The following RABGEF1 variants were observed in gnomAD, a reference collection of about 807,000 sequenced individuals.
RABGEF1 encodes rab5 GDP/GTP exchange factor.
In RABGEF1, 26 loss-of-function variants were observed where a neutral mutation model predicts 57.3. The ratio of observed to expected loss-of-function variants is 0.45; its 90% CI spans 0.33 to 0.63. RABGEF1 has a LOEUF of 0.63. Among genes scored for constraint, RABGEF1 ranks in the 20% least tolerant of loss-of-function variants. The pLI is 0.02. For missense variants in RABGEF1, 464 were observed against 607.6 expected (o/e 0.76, Z 2.48); for synonymous variants, 185 against 210.7 (o/e 0.88, Z 1.06).
intron 7 of RABGEF1, among the ~76,000 whole-genome samples, chr7:66,803,391 G>C (rs1238426615): frequency 6.6e-6 from 1 of 152,216 alleles, no homozygotes; most frequent in Non-Finnish European, 1.5e-5. Flanking sequence ...CTAGTGGCAA[G>C]AATTTGGTGT....
chr7:66,751,581 G>A (rs1304272891), intron 1 of RABGEF1, among the ~76,000 whole-genome samples: 1 of 152,120 alleles, frequency 6.6e-6, no homozygotes, highest in Non-Finnish European at 1.5e-5. Context: ...CTGAGCTGAG[G>A]GTTGAGGTTG....
At chr7:66,661,323 G>A in the RABGEF1 span, among the ~76,000 whole-genome samples, 3 of 126,632 alleles carry the variant, frequency 2.4e-5, no homozygotes, top group African/African-American at 5.8e-5. Context: ...AAAAATGAGG[G>A]CGTTACTGTG....
At chr7:66,692,403 C>A (rs1791654930) in intron 1 of RABGEF1, among the ~76,000 whole-genome samples, 1 of 152,180 alleles carries the variant, frequency 6.6e-6, no homozygotes, top group African/African-American at 2.4e-5. Context: ...GTAAGAAGAA[C>A]CTCAGCGAGT....
At chr7:66,766,153 G>A (rs969718005) in intron 1 of RABGEF1, among the ~76,000 whole-genome samples, 2 of 151,890 alleles carry the variant, frequency 1.3e-5, no homozygotes, top group African/African-American at 4.8e-5. Flanking sequence ...CCTGGGTAAC[G>A]TGGCGAAACA....
At chr7:66,676,700 A>G in the RABGEF1 span, among the ~76,000 whole-genome samples, 2 of 152,106 alleles carry the variant, frequency 1.3e-5, no homozygotes, top group Non-Finnish European at 2.9e-5. Flanking sequence ...CGATTCTGCC[A>G]CCTCAGCCTC....
At chr7:66,751,601 T>G (rs1294672269) in intron 1 of RABGEF1, among the ~76,000 whole-genome samples, 1 of 152,170 alleles carries the variant, frequency 6.6e-6, no homozygotes, top group Non-Finnish European at 1.5e-5. Flanking sequence ...GTGTTGCAGG[T>G]TGGATAAGGC....
chr7:66,769,484 C>T (rs1439377058), intron 1 of RABGEF1, among the ~76,000 whole-genome samples: 1 of 152,190 alleles, frequency 6.6e-6, no homozygotes, highest in Non-Finnish European at 1.5e-5. Flanking sequence ...CCACTCTGAT[C>T]AGCAGAGCAT....
Position 66,727,995 on chromosome 7 carries a change from A to G in RABGEF1, c.-814-12001A>G, listed in dbSNP as rs529506926. Among the ~76,000 whole-genome samples the G allele has an allele frequency of 6.0e-4, 91 of 152,186 alleles. 1 individual carries two copies. Among genetic ancestry groups the G allele is most frequent in the African/African-American group, 2.1e-3 (88 of 41,538 alleles). ...TCCTCCCCTCTCCTGACAGCTCTCC[A>G]CAGGCCAAACCACTAGACCCAATGT... On this transcript the variant is annotated intron_variant and NMD_transcript_variant, in intron 2 of 9. Transcript: ENST00000607882.
At chr7:66,763,887 A>G (rs1157745205) in intron 1 of RABGEF1, among the ~76,000 whole-genome samples, 1 of 152,148 alleles carries the variant, frequency 6.6e-6, no homozygotes, top group Non-Finnish European at 1.5e-5. Context: ...TCATCAGTTG[A>G]TGTACATTTG....
At chr7:66,790,852 T>C (rs535473047) in intron 4 of RABGEF1, among the ~76,000 whole-genome samples, 1 of 152,344 alleles carries the variant, frequency 6.6e-6, no homozygotes, top group South Asian at 2.1e-4. Flanking sequence ...AATAGGACAC[T>C]ACAGGTCTTC....
intron 2 of RABGEF1, among the ~76,000 whole-genome samples, chr7:66,735,596 T>TG (rs34091698): frequency 1.7e-3 from 254 of 152,034 alleles, no homozygotes; most frequent in African/African-American, 3.6e-3. Context: ...AGGATCATTG[T>TG]GGGGGGGGTT....
At chr7:66,698,360 G>T (rs1170660275) in intron 1 of RABGEF1, among the ~76,000 whole-genome samples, 6 of 152,184 alleles carry the variant, frequency 3.9e-5, no homozygotes, top group African/African-American at 1.2e-4. Context: ...CCCATCAGGG[G>T]TGACAAGAGA....
At chr7:66,754,441 A>G (rs1802228643) in intron 1 of RABGEF1, among the ~76,000 whole-genome samples, 1 of 146,292 alleles carries the variant, frequency 6.8e-6, no homozygotes, top group Admixed American at 6.9e-5. Context: ...TCTGGCTTCT[A>G]TTATTTCTGT....
chr7:66,693,001 C>G (rs969381673), intron 1 of RABGEF1, among the ~76,000 whole-genome samples: 1 of 152,142 alleles, frequency 6.6e-6, no homozygotes, highest in East Asian at 1.9e-4. Flanking sequence ...TGCTGGGGAT[C>G]TTTTCTAGAG....
chr7:66,698,058 C>T (rs942501144), intron 1 of RABGEF1, among the ~76,000 whole-genome samples: 32 of 152,018 alleles, frequency 2.1e-4, no homozygotes, highest in Admixed American at 1.8e-3. Context: ...CACTCCCTCC[C>T]GCTGCCCACC....
chr7:66,691,787 C>T (rs1470556291), intron 1 of RABGEF1, among the ~76,000 whole-genome samples: 1 of 152,108 alleles, frequency 6.6e-6, no homozygotes, highest in African/African-American at 2.4e-5. Context: ...GGCACCGTGG[C>T]TCACACCTGT....
At chr7:66,736,946 G>A (rs527542485), upstream of RABGEF1, among the ~76,000 whole-genome samples, 4 of 151,514 alleles carry the variant, frequency 2.6e-5, no homozygotes, top group South Asian at 2.1e-4. Context: ...ACACACACAC[G>A]TACACACACA....
upstream of RABGEF1, among the ~76,000 whole-genome samples, chr7:66,679,980 A>G (rs866867317): frequency 6.6e-6 from 1 of 152,170 alleles, no homozygotes; most frequent in Non-Finnish European, 1.5e-5. Context: ...AGTTGGAGGC[A>G]GGAGTGTGCT....
chr7:66,794,207 A>ATTTTTTTT (rs1174835014), intron 4 of RABGEF1, among the ~76,000 whole-genome samples: 2 of 91,102 alleles, frequency 2.2e-5, no homozygotes, highest in African/African-American at 8.8e-5. Context: ...TCCATGTTTA[A>ATTTTTTTT]TTTTTTTTTT....
Sources: allele counts gnomAD v4.1 joint callset (sites outside exome capture counted in the v4.1 genomes callset), GRCh38; gene constraint gnomAD v4.1.1; transcripts MANE v1.5; gene names NCBI Gene and HGNC (gene_info 2026-07-23, HGNC 2026-07-21).